Variants in CNTN1 observed in about 807,000 individuals in gnomAD.
The protein encoded by CNTN1 is contactin-1.
Under a neutral mutation model 126.4 loss-of-function variants are expected in CNTN1, and 38 were observed. The observed-to-expected ratio is 0.30, with a 90% CI of 0.23 to 0.39. The LOEUF (loss-of-function observed/expected upper bound fraction) is 0.39. CNTN1 is among the 10% of genes least tolerant of loss of function. CNTN1 has a pLI of 1.00. For missense variants in CNTN1, 1,009 were observed against 1,248.4 expected, an observed-to-expected ratio of 0.81 and a Z score of 2.89; for synonymous variants, 413 against 422.6, an observed-to-expected ratio of 0.98 and a Z score of 0.28.
intron 1 of CNTN1, among the ~76,000 whole-genome samples, chr12:40,727,841 T>C (rs1942398131): frequency 6.6e-6 from 1 of 152,198 alleles, no homozygotes; most frequent in African/African-American, 2.4e-5. Flanking sequence ...TTAGGACAAA[T>C]CTGTAAGTAA....
At chr12:40,843,602 G>A (rs1942374431) in intron 1 of CNTN1, among the ~76,000 whole-genome samples, 6 of 152,144 alleles carry the variant, frequency 3.9e-5, no homozygotes, top group Admixed American at 1.3e-4. Context: ...CATATGAATG[G>A]ACTACAATTA....
chr12:40,974,273 T>C (rs1317841998), intron 15 of CNTN1, among the ~76,000 whole-genome samples: 1 of 152,036 alleles, frequency 6.6e-6, no homozygotes, highest in East Asian at 1.9e-4. Flanking sequence ...AAATGGATGA[T>C]GTGTTTATCT....
At chr12:40,914,997 A>G (rs1323570081) in intron 3 of CNTN1, among the ~76,000 whole-genome samples, 1 of 152,008 alleles carries the variant, frequency 6.6e-6, no homozygotes, top group African/African-American at 2.4e-5. Flanking sequence ...TTCAATGAAA[A>G]TTTTCCTTGC....
chr12:40,932,051 C>A (rs1195676868), intron 7 of CNTN1, among the ~76,000 whole-genome samples: 1 of 151,884 alleles, frequency 6.6e-6, no homozygotes, highest in Non-Finnish European at 1.5e-5. Context: ...CCTCTCCATG[C>A]TCCATCCTTT....
At chr12:40,887,234 T>A (rs1173886872) in intron 1 of CNTN1, among the ~76,000 whole-genome samples, 5 of 152,086 alleles carry the variant, frequency 3.3e-5, no homozygotes, top group African/African-American at 1.2e-4. Context: ...TGTATCCTCT[T>A]TTATTTCATT....
chr12:40,888,618 C>CAA (rs34350605), intron 1 of CNTN1, among the ~76,000 whole-genome samples: 2 of 151,656 alleles, frequency 1.3e-5, no homozygotes, highest in African/African-American at 2.4e-5. Flanking sequence ...ACAACAACAA[C>CAA]AAAAAAAGGA....
intron 1 of CNTN1, among the ~76,000 whole-genome samples, chr12:40,730,132 A>C (rs928950299): frequency 2.0e-5 from 3 of 152,164 alleles, no homozygotes; most frequent in Admixed American, 1.3e-4. Context: ...CCTCCCTCTA[A>C]ATCTTTCTAC....
intron 1 of CNTN1, among the ~76,000 whole-genome samples, chr12:40,749,078 T>G (rs17128731): frequency 0.019 from 2,942 of 152,248 alleles, 32 homozygotes; most frequent in African/African-American, 0.032. Context: ...ATTAACCTGG[T>G]GTTCTCCTGA....
rs539910716 is a variant in CNTN1 at position 40,697,079 on chromosome 12, T to C, written c.-77+4487T>C. Among the ~76,000 whole-genome samples the C allele has an allele frequency of 4.6e-5, 7 of 152,318 alleles. No individual in the cohort carries two copies. In the South Asian group the frequency reaches 1.2e-3, roughly 27 times the overall value. Reference sequence around the variant, plus strand: ...TTTCAGTTTTGCATCGTCAAGAACATGAACCTTTGTATACATTAATATTTG... The same window carrying C: ...TTTCAGTTTTGCATCGTCAAGAACACGAACCTTTGTATACATTAATATTTG... On this transcript the variant is annotated intron_variant, in intron 1 of 23. Transcript: ENST00000551295.
At chr12:40,907,562 T>G (rs970768944) in intron 1 of CNTN1, among the ~76,000 whole-genome samples, 1 of 152,208 alleles carries the variant, frequency 6.6e-6, no homozygotes, top group Admixed American at 6.5e-5. Flanking sequence ...CGTACATGAT[T>G]GCAAAATTTT....
At chr12:41,016,184 C>T (rs571130571) in intron 18 of CNTN1, among the ~76,000 whole-genome samples, 7 of 152,238 alleles carry the variant, frequency 4.6e-5, no homozygotes, top group South Asian at 2.1e-4. Context: ...CTGACAAAAA[C>T]GCTGCATTCA....
rs1302769070 is a variant in CNTN1, at chr12:40,941,312, G to A, written c.1379+1827G>A. 6.6e-5 allele frequency among the ~76,000 whole-genome samples: 10 copies of A among 152,158 alleles called. No individual in the cohort carries two copies. In the East Asian group the frequency reaches 9.7e-4, roughly 15 times the overall value. ...ATTCATATGCAAATATATTTGAATT[G>A]TAAAATAAGATGTATAAAAAGCTAA... is the stretch of plus-strand genomic sequence containing the variant. On this transcript the variant is annotated intron_variant, in intron 12 of 23. Coordinates refer to ENST00000551295, the MANE Select transcript of CNTN1 (RefSeq NM_001843.4).
intron 1 of CNTN1, among the ~76,000 whole-genome samples, chr12:40,786,465 A>C (rs898910495): frequency 6.6e-6 from 1 of 152,170 alleles, no homozygotes; most frequent in African/African-American, 2.4e-5. Context: ...AGGCATGTCC[A>C]TGGATCTTTC....
intron 1 of CNTN1, among the ~76,000 whole-genome samples, chr12:40,717,977 A>G (rs1942090910): frequency 6.6e-6 from 1 of 152,194 alleles, no homozygotes; most frequent in Admixed American, 6.5e-5. Context: ...TTTTAATTGA[A>G]TGACTTAAAA....
intron 23 of CNTN1, among the ~76,000 whole-genome samples, chr12:41,054,787 A>T (rs947057550): frequency 6.6e-6 from 1 of 152,114 alleles, no homozygotes; most frequent in Non-Finnish European, 1.5e-5. Context: ...GTCATGCAAT[A>T]TATTTTTGCA....
chr12:40,909,207 T>C (rs1455780083), intron 2 of CNTN1, among the ~76,000 whole-genome samples: 3 of 152,026 alleles, frequency 2.0e-5, no homozygotes, highest in Non-Finnish European at 4.4e-5. Context: ...AGTACATTCA[T>C]TTTAGGACAA....
chr12:40,820,451 G>C (rs1314928002), intron 1 of CNTN1, among the ~76,000 whole-genome samples: 2 of 152,194 alleles, frequency 1.3e-5, no homozygotes, highest in African/African-American at 2.4e-5. Context: ...GAATACAGTT[G>C]TGTAGAGTGA....
chr12:41,065,728 G>C (rs1219775792), intron 23 of CNTN1, among the ~76,000 whole-genome samples: 1 of 152,200 alleles, frequency 6.6e-6, no homozygotes, highest in East Asian at 1.9e-4. Flanking sequence ...CAGAGCTGGG[G>C]CATCATTGGT....
Position 40,943,996 on chromosome 12 carries a change from T to C in CNTN1, c.1509T>C (p.Asp503=). Residue 503 remains aspartate (D), a splice_region_variant and synonymous_variant, in exon 14 of 24, where the codon GAT becomes GAC. Coordinates refer to ENST00000551295, the MANE Select transcript of CNTN1 (RefSeq NM_001843.4). ...TGCTTTACATTTAAAAATATATAGA[T>C]CCTACGCGAATTATATTGGCCCCAA... is the stretch of plus-strand genomic sequence containing the variant. ...ANSTGTLVIT[D]PTRIILAPIN... is the part of the protein sequence containing the mutation. The C allele has an allele frequency of 6.2e-7, 1 of 1,613,152 alleles. No individual in the cohort carries two copies. Among genetic ancestry groups the C allele is most frequent in the Non-Finnish European group, 8.5e-7 (1 of 1,179,350 alleles).
Sources: allele counts gnomAD v4.1 joint callset (sites outside exome capture counted in the v4.1 genomes callset), GRCh38; gene constraint gnomAD v4.1.1; transcripts MANE v1.5; gene names NCBI Gene and HGNC (gene_info 2026-07-23, HGNC 2026-07-21).